Variants in PSMB10 observed in about 807,000 individuals in gnomAD.
PSMB10 encodes the protein proteasome subunit beta type-10.
PSMB10 carries 29 observed loss-of-function variants against 29.8 expected under a neutral mutation model. That is an observed-to-expected ratio of 0.97 (90% confidence interval 0.73 to 1.33). PSMB10 has a LOEUF of 1.33. PSMB10 is among the 40% of genes most tolerant of loss of function. The pLI is 0.00. For missense variants in PSMB10, 327 were observed against 369.2 expected (o/e 0.89, Z 0.94); for synonymous variants, 157 against 164.7 (o/e 0.95, Z 0.36).
In PSMB10 at chr16:67,934,737, C is replaced by A. The variant is rs1423663600; in HGVS notation, c.710+60G>T. The A allele has an allele frequency of 1.2e-6, 2 of 1,609,986 alleles. No homozygotes were observed. Among genetic ancestry groups the A allele is most frequent in the Admixed American group, 1.7e-5 (1 of 59,934 alleles). Reference sequence around the variant, plus strand: ...ATGTGGCCCATCCCCTTTTTGCAGCCCCCTATCTCCCCTGCTATAGCCCCA... The same window carrying A: ...ATGTGGCCCATCCCCTTTTTGCAGCACCCTATCTCCCCTGCTATAGCCCCA... On this transcript the variant is annotated intron_variant, in intron 7 of 7. Transcript: ENST00000358514. The surrounding 1 kb of genome is among the most constrained non-coding windows in gnomAD (Gnocchi z 4.3).
Position 67,934,686 on chromosome 16 carries a change from G to T in PSMB10, c.711-15C>A. Reference sequence around the variant, plus strand: ...AGCGGCCAGACCTGGGAGGGAGGAGGGACAGCCTCTGAACATGGGCCTGTC... The same window carrying T: ...AGCGGCCAGACCTGGGAGGGAGGAGTGACAGCCTCTGAACATGGGCCTGTC... On this transcript the variant is annotated splice_polypyrimidine_tract_variant and intron_variant, in intron 7 of 7. Coordinates refer to ENST00000358514, the MANE Select transcript of PSMB10 (RefSeq NM_002801.4). The surrounding 1 kb of genome is among the most constrained non-coding windows in gnomAD (Gnocchi z 4.3). The T allele has an allele frequency of 6.2e-7, 1 of 1,613,536 alleles. No homozygotes were observed. Among genetic ancestry groups the T allele is most frequent in the Non-Finnish European group, 8.5e-7 (1 of 1,179,566 alleles).
intron 1 of PSMB10, 48 bp from the exon 2 acceptor site, chr16:67,936,533 C>T: frequency 6.5e-7 from 1 of 1,544,752 alleles, no homozygotes; most frequent in Non-Finnish European, 8.8e-7. Flanking sequence ...TTTCAAGACC[C>T]CTGTTGCTTC....
chr16:67,935,378 A>G (rs2058258868), intron 6 of PSMB10, 42 bp downstream of exon 6: 1 of 1,611,324 alleles, frequency 6.2e-7, no homozygotes, highest in Non-Finnish European at 8.5e-7. Context: ...CCGGGTGCAC[A>G]TCCCACCAGC....
Position 67,934,739 on chromosome 16 carries a change from C to T in PSMB10, c.710+58G>A. 1.2e-6 allele frequency: 2 copies of T among 1,610,356 alleles called. No individual in the cohort carries two copies. Among genetic ancestry groups the T allele is most frequent in the Non-Finnish European group, 1.7e-6 (2 of 1,176,832 alleles). On this transcript the variant is annotated intron_variant, in intron 7 of 7. Transcript: ENST00000358514. This position sits in a 1 kb window ranked among gnomAD's most constrained non-coding sequence, Gnocchi z 4.3. ...GTGGCCCATCCCCTTTTTGCAGCCC[C>T]CTATCTCCCCTGCTATAGCCCCACA...
chr16:67,934,675 G>A lies in PSMB10; in HGVS notation c.711-4C>T, dbSNP rs1342120154. 1 of 1,613,832 alleles carries A rather than the reference G, an allele frequency of 6.2e-7. No homozygotes were observed. The highest frequency in any genetic ancestry group is 1.7e-5 in the Admixed American group (1 of 60,012). On this transcript the variant is annotated splice_polypyrimidine_tract_variant and splice_region_variant and intron_variant, in intron 7 of 7. Transcript: ENST00000358514. The surrounding 1 kb of genome is among the most constrained non-coding windows in gnomAD (Gnocchi z 4.3). ...CACAAAGTGGTAGCGGCCAGACCTG[G>A]GAGGGAGGAGGGACAGCCTCTGAAC...
intron 4 of PSMB10, 78 bp downstream of exon 4, chr16:67,935,885 C>T (rs1170955981): frequency 1.9e-6 from 3 of 1,556,874 alleles, no homozygotes; most frequent in Non-Finnish European, 2.6e-6. Context: ...CGGTCCCGCC[C>T]TTCTTTCTGT....
chr16:67,935,369 C>T (rs2058258832), intron 6 of PSMB10, 51 bp downstream of exon 6: 1 of 1,607,762 alleles, frequency 6.2e-7, no homozygotes, highest in Non-Finnish European at 8.5e-7. Flanking sequence ...CCCCAGCTCC[C>T]GGGTGCACAT....
At chr16:67,935,851 C>T in intron 4 of PSMB10, 112 bp downstream of exon 4, 1 of 1,505,752 alleles carries the variant, frequency 6.6e-7, no homozygotes, top group Admixed American at 2.1e-5. Context: ...TTGGGCCGGC[C>T]TCTTCCGGTC....
At chr16:67,936,645 G>T in intron 1 of PSMB10, 49 bp downstream of exon 1, 1 of 1,512,474 alleles carries the variant, frequency 6.6e-7, no homozygotes, top group Non-Finnish European at 8.9e-7. Context: ...AAGGCCACGA[G>T]CAAGCAGAGG....
chr16:67,936,117 G>A lies in PSMB10; in HGVS notation c.243-14C>T. On this transcript the variant is annotated splice_polypyrimidine_tract_variant and intron_variant, in intron 3 of 7. Coordinates refer to ENST00000358514, the MANE Select transcript of PSMB10 (RefSeq NM_002801.4). ...GCCCCACAGCAGCTGAGGCAAAAGG[G>A]AGGATCGGTGTGGGCAGGGCTGGGA... is the stretch of plus-strand genomic sequence containing the variant. The A allele has an allele frequency of 3.1e-6, 5 of 1,608,428 alleles. No individual in the cohort carries two copies. Among genetic ancestry groups the A allele is most frequent in the Non-Finnish European group, 4.3e-6 (5 of 1,175,508 alleles).
Position 67,935,025 on chromosome 16 carries a change from C to T in PSMB10, c.559-77G>A, listed in dbSNP as rs1029372544. Reference sequence around the variant, plus strand: ...GGCTACAGCCTGGGGACTTGCCTGTCCACTTACCCAATCTGGTCTTGCCCT... The same window carrying T: ...GGCTACAGCCTGGGGACTTGCCTGTTCACTTACCCAATCTGGTCTTGCCCT... On this transcript the variant is annotated intron_variant, in intron 6 of 7. Coordinates refer to ENST00000358514, the MANE Select transcript of PSMB10 (RefSeq NM_002801.4). 5 of 1,538,718 alleles carry T rather than the reference C, an allele frequency of 3.2e-6. No individual in the cohort carries two copies. The South Asian group carries it at 3.6e-5, about 11-fold the overall frequency.
chr16:67,936,683 C>T lies in PSMB10; in HGVS notation c.56+11G>A, dbSNP rs1252663254. On this transcript the variant is annotated intron_variant, in intron 1 of 7. Coordinates refer to ENST00000358514, the MANE Select transcript of PSMB10 (RefSeq NM_002801.4). ...GCTCAGGAGTGACCGCCCCCCGCGC[C>T]CCCGCTTCACCTTTGGCAGTTCTCG... 3.9e-6 allele frequency: 6 copies of T among 1,550,582 alleles called. No homozygotes were observed. The highest frequency in any genetic ancestry group is 2.0e-5 in the Admixed American group (1 of 50,710).
chr16:67,935,544 AG>A (rs1415629126), intron 5 of PSMB10, 37 bp downstream of exon 5: 5 of 1,613,614 alleles, frequency 3.1e-6, no homozygotes, highest in Non-Finnish European at 4.2e-6. Flanking sequence ...CCAAGGTCAC[AG>A]GGGCAGAGTT....
chr16:67,935,755 G>A lies in PSMB10; in HGVS notation c.384-58C>T. 1.9e-6 allele frequency: 3 copies of A among 1,569,478 alleles called. No individual in the cohort carries two copies. In the South Asian group the frequency reaches 3.3e-5, roughly 18 times the overall value. On this transcript the variant is annotated intron_variant, in intron 4 of 7. Coordinates refer to ENST00000358514, the MANE Select transcript of PSMB10 (RefSeq NM_002801.4). ...TGGGGCCTAGGCCCCACCTCTCTATGCCCAGCTCCTAGGTGCTATCCCCGC... is the reference window on the plus strand; with the variant it reads ...TGGGGCCTAGGCCCCACCTCTCTATACCCAGCTCCTAGGTGCTATCCCCGC...
intron 6 of PSMB10, 39 bp downstream of exon 6, chr16:67,935,381 C>G: frequency 6.2e-7 from 1 of 1,611,768 alleles, no homozygotes; most frequent in African/African-American, 1.3e-5. Flanking sequence ...GGTGCACATC[C>G]CACCAGCGAC....
chr16:67,935,833 A>C, intron 4 of PSMB10, 130 bp downstream of exon 4: 2 of 1,481,618 alleles, frequency 1.3e-6, no homozygotes, highest in Non-Finnish European at 1.8e-6. Flanking sequence ...CCTGTAGCCC[A>C]GGTTCTCTTG....
Position 67,934,535 on chromosome 16 carries a change from C to T in PSMB10, c.*25G>A, listed in dbSNP as rs1567405511. On this transcript the variant is annotated 3_prime_UTR_variant, in exon 8 of 8. Coordinates refer to ENST00000358514, the MANE Select transcript of PSMB10 (RefSeq NM_002801.4). This position sits in a 1 kb window ranked among gnomAD's most constrained non-coding sequence, Gnocchi z 4.3. ...ACTGTATTTTCTGGGTTTATTCCCC[C>T]TTGTTCCAAGCTCTAAGCCTCAGCT... 4 of 1,599,322 alleles carry T rather than the reference C, an allele frequency of 2.5e-6. No homozygotes were observed. Among genetic ancestry groups the T allele is most frequent in the African/African-American group, 2.7e-5 (2 of 74,658 alleles).
In PSMB10 at chr16:67,935,694, G is replaced by C. The variant is rs2058260458; in HGVS notation, c.387C>G (p.Tyr129Ter). The C allele has an allele frequency of 1.9e-6, 3 of 1,613,562 alleles. No homozygotes were observed. Among genetic ancestry groups the C allele is most frequent in the East Asian group, 2.2e-5 (1 of 44,880 alleles). Residue 129 changes from tyrosine to a stop codon, truncating the protein, a stop_gained, in exon 5 of 8, where the codon TAC becomes TAG. Transcript: ENST00000358514. LOFTEE classifies it high-confidence loss of function. ...TRILRQTLFR[Y>*]QGHVGASLIV... ...TCAGCGATGCACCCACGTGGCCCTGGTACCTGCTCGAGGATGGGCGGGGTC... is the reference window on the plus strand; with the variant it reads ...TCAGCGATGCACCCACGTGGCCCTGCTACCTGCTCGAGGATGGGCGGGGTC...
chr16:67,936,365 C>A, intron 2 of PSMB10, 33 bp downstream of exon 2: 6 of 1,610,820 alleles, frequency 3.7e-6, no homozygotes, highest in Non-Finnish European at 5.1e-6. Context: ...CTCTCGGCTC[C>A]CCTCCAGCTC....
Sources: gnomAD v4.1 joint callset for allele counts on GRCh38, gnomAD v4.1.1 for gene constraint, Gnocchi (gnomAD v3.1) non-coding constraint, MANE v1.5 for transcripts, NCBI Gene and HGNC (gene_info 2026-07-23, HGNC 2026-07-21) for gene names.